The following PTPN13 variants were observed in gnomAD, a reference collection of about 807,000 sequenced individuals.
PTPN13 encodes the protein tyrosine-protein phosphatase non-receptor type 13.
PTPN13 carries 191 observed loss-of-function variants against 284.0 expected under a neutral mutation model. The ratio of observed to expected loss-of-function variants is 0.67; its 90% CI spans 0.60 to 0.76. The LOEUF (loss-of-function observed/expected upper bound fraction) is 0.76, where lower values mean the gene tolerates loss of function less well. Among genes scored for constraint, PTPN13 ranks in the 30% least tolerant of loss-of-function variants. The pLI is 0.00. For missense variants in PTPN13, 2,797 were observed against 2,939.9 expected, an observed-to-expected ratio of 0.95 and a Z score of 1.12; for synonymous variants, 986 against 1,022.3, an observed-to-expected ratio of 0.96 and a Z score of 0.68.
chr4:86,735,429 G>A (rs28548225), intron 14 of PTPN13, among the ~76,000 whole-genome samples, 165 bp from the exon 15 acceptor site: 12,446 of 152,206 alleles, frequency 0.082, 647 homozygotes, highest in Non-Finnish European at 0.11. Context: ...TCACTGAATA[G>A]AAAAGAAAGA....
At chr4:86,800,157 A>G (rs958450001) in intron 42 of PTPN13, among the ~76,000 whole-genome samples, 6 of 151,944 alleles carry the variant, frequency 3.9e-5, no homozygotes, top group African/African-American at 1.5e-4. Context: ...TTATTATCCT[A>G]GAATCCCAAC....
intron 23 of PTPN13, among the ~76,000 whole-genome samples, chr4:86,761,613 G>T (rs1264667952): frequency 6.6e-6 from 1 of 152,152 alleles, no homozygotes; most frequent in African/African-American, 2.4e-5. Context: ...ATTTTTGTCA[G>T]CCAAATAAGT....
chr4:86,732,438 A>G lies in PTPN13; in HGVS notation c.1647A>G (p.Glu549=), dbSNP rs777655419. 15 of 1,601,780 alleles carry G rather than the reference A, an allele frequency of 9.4e-6. No individual in the cohort carries two copies. The Admixed American group carries it at 2.6e-4, about 27-fold the overall frequency. ...FGPEFVKMTI[E]PFISLDLPRS... ...CTGAGTTTGTGAAAATGACAATTGA[A>G]CCATTTATATCTTTGGATTTGCCAC... Residue 549 remains glutamate (E), a synonymous_variant, in exon 11 of 48, where the codon GAA becomes GAG. Coordinates refer to ENST00000411767, the MANE Select transcript of PTPN13 (RefSeq NM_080683.3).
rs374636930 is a variant in PTPN13 at position 86,665,757 on chromosome 4, G to C, written c.116-6608G>C. On this transcript the variant is annotated intron_variant, in intron 2 of 47. Transcript: ENST00000411767. ...ATTTCCCAAAGATCTAGAATAGAACGGTTTGAGAATTAGATCTATTATTCT... is the reference window on the plus strand; with the variant it reads ...ATTTCCCAAAGATCTAGAATAGAACCGTTTGAGAATTAGATCTATTATTCT... Among the ~76,000 whole-genome samples, 4 of 152,156 alleles carry C rather than the reference G, an allele frequency of 2.6e-5. No individual in the cohort carries two copies. In the South Asian group the frequency reaches 8.3e-4, roughly 32 times the overall value.
chr4:86,771,924 A>G (rs185845254), intron 31 of PTPN13, among the ~76,000 whole-genome samples: 139 of 152,366 alleles, frequency 9.1e-4, no homozygotes, highest in African/African-American at 3.3e-3. Context: ...AAGACAAAGA[A>G]GATGGGGAAA....
intron 12 of PTPN13, 61 bp downstream of exon 12, chr4:86,732,827 A>G (rs1011664201): frequency 1.5e-5 from 21 of 1,440,042 alleles, no homozygotes; most frequent in Middle Eastern, 1.8e-4. Flanking sequence ...CAGACTTCCT[A>G]TGTTTGTTAC....
chr4:86,655,316 G>T (rs1041323702), intron 2 of PTPN13, among the ~76,000 whole-genome samples: 7 of 152,192 alleles, frequency 4.6e-5, no homozygotes, highest in Non-Finnish European at 7.3e-5. Flanking sequence ...CTCGTTAGTT[G>T]ATGCAGTTTC....
In PTPN13 at chr4:86,764,605, T is replaced by A; in HGVS notation, c.4030T>A (p.Ser1344Thr). ...TTTCTTTGTTAAGGAATCTTCCTCT[T>A]CAGTGAATACATCCAACAAGATGAA... ...HQTPKQESSS[S>T]VNTSNKMNFK... The change falls in exon 25 of 48, where the codon TCA becomes ACA. Residue 1344 changes from serine (S) to threonine (T), a missense_variant. Coordinates refer to ENST00000411767, the MANE Select transcript of PTPN13 (RefSeq NM_080683.3). 1 of 1,514,514 alleles carries A rather than the reference T, an allele frequency of 6.6e-7. No individual in the cohort carries two copies. Among genetic ancestry groups the A allele is most frequent in the Non-Finnish European group, 8.9e-7 (1 of 1,129,004 alleles). 93.8% of individuals were successfully genotyped at this position (1,514,514 alleles called of 1,614,324 possible).
At chr4:86,617,042 G>A (rs1720631044) in intron 1 of PTPN13, among the ~76,000 whole-genome samples, 1 of 152,082 alleles carries the variant, frequency 6.6e-6, no homozygotes, top group Non-Finnish European at 1.5e-5. Flanking sequence ...TATTCTAAGT[G>A]TGATGGGAAG....
chr4:86,689,998 G>C (rs1729862579), intron 5 of PTPN13: 1 of 358,264 alleles, frequency 2.8e-6, no homozygotes, highest in East Asian at 4.4e-5. Context: ...TAGGGGTTTA[G>C]TTCCCATCTT....
chr4:86,723,178 TTTC>T (rs1181441445), intron 10 of PTPN13, among the ~76,000 whole-genome samples: 1 of 152,230 alleles, frequency 6.6e-6, no homozygotes, highest in Non-Finnish European at 1.5e-5. Context: ...TGTACTGTAA[TTTC>T]TTTAGTCAGT....
Position 86,766,475 on chromosome 4 carries a change from C to T in PTPN13, c.4287C>T (p.Ala1429=). The change falls in exon 27 of 48, where the codon GCC becomes GCT. Residue 1429 remains alanine (A), a synonymous_variant. Coordinates refer to ENST00000411767, the MANE Select transcript of PTPN13 (RefSeq NM_080683.3). ...TCAATGGAGTTAGTCTAGAAGGAGC[C>T]ACCCATAAGCAAGCTGTGGAAACAC... ...LAVNGVSLEG[A]THKQAVETLR... 3 of 1,610,142 alleles carry T rather than the reference C, an allele frequency of 1.9e-6. No homozygotes were observed. The highest frequency in any genetic ancestry group is 8.5e-7 in the Non-Finnish European group (1 of 1,178,936).
intron 17 of PTPN13, among the ~76,000 whole-genome samples, chr4:86,747,515 A>G (rs1736899676): frequency 6.6e-6 from 1 of 152,030 alleles, no homozygotes; most frequent in Non-Finnish European, 1.5e-5. Flanking sequence ...CTGCTATACT[A>G]TGTAATAGCG....
intron 2 of PTPN13, among the ~76,000 whole-genome samples, chr4:86,646,931 A>C (rs1724505311): frequency 6.6e-6 from 1 of 152,322 alleles, no homozygotes; most frequent in Admixed American, 6.5e-5. Flanking sequence ...TTAATCTCAA[A>C]ATAATTATGT....
At chr4:86,737,554 A>G (rs1735664297) in intron 15 of PTPN13, among the ~76,000 whole-genome samples, 1 of 152,014 alleles carries the variant, frequency 6.6e-6, no homozygotes, top group African/African-American at 2.4e-5. Flanking sequence ...CTGATACAGC[A>G]CATTTCGAAT....
At chr4:86,617,954 CT>C (rs1421198191) in intron 1 of PTPN13, among the ~76,000 whole-genome samples, 1 of 151,918 alleles carries the variant, frequency 6.6e-6, no homozygotes, top group Non-Finnish European at 1.5e-5. Flanking sequence ...TCAATTTTGG[CT>C]TTTGTTGCCA....
chr4:86,636,862 AC>A, intron 2 of PTPN13, among the ~76,000 whole-genome samples: 1 of 152,276 alleles, frequency 6.6e-6, no homozygotes, highest in African/African-American at 2.4e-5. Flanking sequence ...ACTAAAAAAA[AC>A]CCTTCAAAAA....
chr4:86,666,761 T>C (rs1419982113), intron 2 of PTPN13, among the ~76,000 whole-genome samples: 2 of 152,088 alleles, frequency 1.3e-5, no homozygotes. Flanking sequence ...GGTGTGATGT[T>C]TACATAGCAC....
intron 9 of PTPN13, among the ~76,000 whole-genome samples, chr4:86,717,423 A>G (rs938532918): frequency 4.6e-5 from 7 of 152,026 alleles, no homozygotes; most frequent in African/African-American, 1.4e-4. Context: ...TCCTGACCTC[A>G]AGTGATCCAC....
Sources: allele counts gnomAD v4.1 joint callset (sites outside exome capture counted in the v4.1 genomes callset), GRCh38; gene constraint gnomAD v4.1.1; transcripts MANE v1.5; gene names NCBI Gene and HGNC (gene_info 2026-07-23, HGNC 2026-07-21).